SOX5: variants seen among roughly 807,000 people sequenced by gnomAD.
The protein encoded by SOX5 is transcription factor SOX-5.
Under a neutral mutation model 92.0 loss-of-function variants are expected in SOX5, and 9 were observed. The ratio of observed to expected loss-of-function variants is 0.10; its 90% CI spans 0.06 to 0.17. The LOEUF is 0.17. SOX5 is among the 10% of genes least tolerant of loss of function. The pLI, the probability that SOX5 is intolerant of heterozygous loss-of-function variation, is 1.00. For missense variants in SOX5, 642 were observed against 944.5 expected (o/e 0.68, Z 4.20); for synonymous variants, 344 against 336.3 (o/e 1.02, Z -0.25).
At chr12:24,509,440 A>T (rs1477158743) in intron 1 of SOX5, among the ~76,000 whole-genome samples, 3 of 152,186 alleles carry the variant, frequency 2.0e-5, no homozygotes, top group African/African-American at 7.2e-5. Context: ...TGACCATGGC[A>T]TTAAAGGCAA....
chr12:24,506,046 T>C (rs372189888), intron 1 of SOX5, among the ~76,000 whole-genome samples: 5 of 152,204 alleles, frequency 3.3e-5, no homozygotes, highest in East Asian at 3.8e-4. Context: ...CCTCATGATA[T>C]ACTATTAATA....
chr12:24,279,552 C>T (rs574300473), intron 2 of SOX5, among the ~76,000 whole-genome samples: 5 of 151,892 alleles, frequency 3.3e-5, no homozygotes, highest in Non-Finnish European at 5.9e-5. Context: ...GTGTAAGTAA[C>T]GTTGTAACTG....
intron 11 of SOX5, among the ~76,000 whole-genome samples, chr12:23,554,272 A>C (rs1180389187): frequency 6.6e-6 from 1 of 152,098 alleles, no homozygotes; most frequent in African/African-American, 2.4e-5. Flanking sequence ...AGAACGAAGG[A>C]AGGAGCAAAT....
At chr12:24,172,133 G>C (rs1157984403) in intron 4 of SOX5, among the ~76,000 whole-genome samples, 1 of 151,984 alleles carries the variant, frequency 6.6e-6, no homozygotes, top group African/African-American at 2.4e-5. Flanking sequence ...AGCAGGCTTG[G>C]GGATTGGAAG....
intron 4 of SOX5, among the ~76,000 whole-genome samples, chr12:24,125,436 C>G (rs1410328191): frequency 2.0e-5 from 3 of 152,158 alleles, no homozygotes; most frequent in Non-Finnish European, 4.4e-5. Context: ...CAAATAGTTA[C>G]TGAGGCCTTA....
chr12:23,667,616 T>C (rs1485672671), intron 6 of SOX5, among the ~76,000 whole-genome samples: 1 of 152,174 alleles, frequency 6.6e-6, no homozygotes, highest in African/African-American at 2.4e-5. Flanking sequence ...CAAGATCCCA[T>C]ATTTAGCTAA....
intron 3 of SOX5, among the ~76,000 whole-genome samples, chr12:23,802,252 G>A (rs962095511): frequency 3.0e-4 from 46 of 151,040 alleles, no homozygotes; most frequent in Non-Finnish European, 4.4e-4. Flanking sequence ...TTTTTTTTTT[G>A]TGTATTTTTA....
intron 6 of SOX5, among the ~76,000 whole-genome samples, chr12:23,725,142 G>T (rs1593703352): frequency 6.6e-6 from 1 of 152,306 alleles, no homozygotes; most frequent in Non-Finnish European, 1.5e-5. Flanking sequence ...AACTGGGAAA[G>T]AATGAGTTTG....
chr12:23,855,552 T>G (rs1215691994), intron 2 of SOX5, among the ~76,000 whole-genome samples: 1 of 152,136 alleles, frequency 6.6e-6, no homozygotes, highest in Admixed American at 6.5e-5. Flanking sequence ...TGTTTCTATC[T>G]TTCTCTTTCT....
At chr12:23,907,819 A>T (rs1243700261) in intron 1 of SOX5, among the ~76,000 whole-genome samples, 1 of 152,194 alleles carries the variant, frequency 6.6e-6, no homozygotes, top group East Asian at 1.9e-4. Flanking sequence ...TCTATAAAAA[A>T]ATCATTTTAC....
chr12:24,216,934 CA>C (rs370370701), intron 3 of SOX5, among the ~76,000 whole-genome samples: 240 of 152,210 alleles, frequency 1.6e-3, no homozygotes, highest in African/African-American at 5.5e-3. Flanking sequence ...TCTTAAAAAT[CA>C]AATAAAACTA....
intron 1 of SOX5, among the ~76,000 whole-genome samples, chr12:24,462,345 T>G (rs4319598): frequency 0.98 from 149,290 of 152,294 alleles, 73,227 homozygotes; most frequent in East Asian, 1. Flanking sequence ...TCCTATATAT[T>G]CAGTCTTTCC....
At chr12:23,886,959 C>A (rs188219817) in intron 2 of SOX5, among the ~76,000 whole-genome samples, 1 of 151,972 alleles carries the variant, frequency 6.6e-6, no homozygotes, top group African/African-American at 2.4e-5. Context: ...TAGCTAAGTA[C>A]GGGCACTGAA....
chr12:24,228,661 CGT>C (rs1044964300), intron 3 of SOX5, among the ~76,000 whole-genome samples: 10 of 151,316 alleles, frequency 6.6e-5, no homozygotes. Flanking sequence ...TGTGTGTGTG[CGT>C]GTGTGTGCGT....
intron 6 of SOX5, among the ~76,000 whole-genome samples, chr12:23,700,760 TA>T (rs969981699): frequency 2.0e-5 from 3 of 152,052 alleles, no homozygotes; most frequent in Admixed American, 2.0e-4. Flanking sequence ...TCAAGCCAAA[TA>T]AAAAAGTATG....
At chr12:23,993,793 G>C (rs953903098) in intron 4 of SOX5, among the ~76,000 whole-genome samples, 5 of 152,128 alleles carry the variant, frequency 3.3e-5, no homozygotes, top group African/African-American at 1.2e-4. Context: ...GGAGGCCAAG[G>C]CAGGAGGATC....
intron 8 of SOX5, among the ~76,000 whole-genome samples, chr12:23,627,359 A>G (rs1396747820): frequency 1.3e-5 from 2 of 152,166 alleles, no homozygotes; most frequent in African/African-American, 4.8e-5. Flanking sequence ...ATTAAATATG[A>G]GGACTTGGCT....
At chr12:24,278,799 T>C (rs117575609) in intron 2 of SOX5, among the ~76,000 whole-genome samples, 5,110 of 152,092 alleles carry the variant, frequency 0.034, 154 homozygotes, top group East Asian at 0.095. Flanking sequence ...ATAAAGGCTG[T>C]CTATATATAG....
At chr12:23,635,162 G>A (rs2079059875) in intron 8 of SOX5, among the ~76,000 whole-genome samples, 3 of 152,096 alleles carry the variant, frequency 2.0e-5, no homozygotes, top group African/African-American at 7.2e-5. Flanking sequence ...CCTGAAAAAA[G>A]TGATGTTTTA....
Sources: gnomAD v4.1 joint callset for allele counts (sites outside exome capture counted in the v4.1 genomes callset) on GRCh38, gnomAD v4.1.1 for gene constraint, MANE v1.5 for transcripts, NCBI Gene and HGNC (gene_info 2026-07-23, HGNC 2026-07-21) for gene names.